AOPEP: variants seen among roughly 807,000 people sequenced by gnomAD.
AOPEP encodes the protein aminopeptidase O (putative), also known as aminopeptidase O.
Under a neutral mutation model 98.1 loss-of-function variants are expected in AOPEP, and 77 were observed. The ratio of observed to expected loss-of-function variants is 0.78; its 90% CI spans 0.65 to 0.95. The LOEUF (loss-of-function observed/expected upper bound fraction) is 0.95. Among genes scored for constraint, AOPEP ranks in the 40% least tolerant of loss-of-function variants. The pLI is 0.00. For missense variants in AOPEP, 1,024 were observed against 1,024.7 expected, an observed-to-expected ratio of 1.00 and a Z score of 0.01; for synonymous variants, 346 against 365.3, an observed-to-expected ratio of 0.95 and a Z score of 0.60.
At chr9:94,810,972 C>T (rs1277289424) in intron 5 of AOPEP, among the ~76,000 whole-genome samples, 1 of 152,210 alleles carries the variant, frequency 6.6e-6, no homozygotes, top group African/African-American at 2.4e-5. Context: ...CTTCCTTCAG[C>T]CCATCAAAGG....
chr9:94,972,642 C>T lies in AOPEP; in HGVS notation c.1916+4841C>T, dbSNP rs145777811. 6.6e-6 allele frequency among the ~76,000 whole-genome samples: 1 copy of T among 152,084 alleles called. No homozygotes were observed. Among genetic ancestry groups the T allele is most frequent in the South Asian group, 2.1e-4 (1 of 4,822 alleles). On this transcript the variant is annotated intron_variant, in intron 10 of 16. Coordinates refer to ENST00000375315, the MANE Select transcript of AOPEP (RefSeq NM_001193329.3). The surrounding 1 kb of genome is among the most constrained non-coding windows in gnomAD (Gnocchi z 4.2). ...CCCAAGCACAAATGAATGTTTTGAT[C>T]AAGAAAATAAATCAGCTGGGCACCG...
intron 2 of AOPEP, among the ~76,000 whole-genome samples, chr9:94,761,077 C>T (rs1016452244): frequency 6.6e-6 from 1 of 152,116 alleles, no homozygotes; most frequent in Non-Finnish European, 1.5e-5. Context: ...GCAGCTATGC[C>T]TCCCTGACTT....
intron 10 of AOPEP, among the ~76,000 whole-genome samples, chr9:94,970,251 C>T (rs188880848): frequency 6.6e-6 from 1 of 152,222 alleles, no homozygotes; most frequent in East Asian, 1.9e-4. Flanking sequence ...GTGGAATTAT[C>T]AGACCAGGGC....
At chr9:95,051,139 A>G (rs1194725164) in intron 13 of AOPEP, among the ~76,000 whole-genome samples, 7 of 140,398 alleles carry the variant, frequency 5.0e-5, no homozygotes, top group African/African-American at 1.8e-4. Flanking sequence ...GCCCAGGCTG[A>G]AGTGCAATGG....
At chr9:94,939,301 A>G (rs1402393505) in intron 7 of AOPEP, among the ~76,000 whole-genome samples, 1 of 151,854 alleles carries the variant, frequency 6.6e-6, no homozygotes, top group African/African-American at 2.4e-5. Context: ...AGCCATCCCC[A>G]TTGTATATAA....
At chr9:94,943,919 C>CAAAAA (rs775807087) in intron 7 of AOPEP, among the ~76,000 whole-genome samples, 5 of 17,414 alleles carry the variant, frequency 2.9e-4, no homozygotes, top group Admixed American at 1.1e-3. Context: ...GACTCCATCT[C>CAAAAA]AAAAAAAAAA....
chr9:94,969,168 T>C (rs1171027791), intron 10 of AOPEP, among the ~76,000 whole-genome samples: 1 of 151,980 alleles, frequency 6.6e-6, no homozygotes, highest in Admixed American at 6.6e-5. Flanking sequence ...ACAGCATAGA[T>C]GGAATTAGGC....
At chr9:94,933,583 C>G in intron 7 of AOPEP, 1 of 985,314 alleles carries the variant, frequency 1.0e-6, no homozygotes, top group Non-Finnish European at 1.2e-6. Context: ...AATGCCTCAT[C>G]CCTTGATCAC....
At chr9:94,742,221 G>A (rs1833296636) in intron 1 of AOPEP, among the ~76,000 whole-genome samples, 1 of 152,098 alleles carries the variant, frequency 6.6e-6, no homozygotes, top group Non-Finnish European at 1.5e-5. Flanking sequence ...TCATTGATTG[G>A]GTCGAGTTAC....
the AOPEP span, chr9:95,100,741 A>T: frequency 4.4e-6 from 1 of 226,584 alleles, no homozygotes; most frequent in East Asian, 6.4e-5. Context: ...AGAGATCCTC[A>T]TGCCTCAGCC....
chr9:94,795,366 G>C (rs1486332330), intron 4 of AOPEP, among the ~76,000 whole-genome samples: 1 of 152,092 alleles, frequency 6.6e-6, no homozygotes, highest in Non-Finnish European at 1.5e-5. Context: ...CAGAAGTTGA[G>C]AGCAATGCCT....
At chr9:94,987,691 A>G (rs1358423762) in intron 11 of AOPEP, among the ~76,000 whole-genome samples, 2 of 152,220 alleles carry the variant, frequency 1.3e-5, no homozygotes, top group Non-Finnish European at 2.9e-5. Flanking sequence ...CTGATAAAAT[A>G]TACTGGGTGA....
At chr9:95,031,719 G>A (rs987837544) in intron 13 of AOPEP, among the ~76,000 whole-genome samples, 3 of 152,134 alleles carry the variant, frequency 2.0e-5, no homozygotes, top group Non-Finnish European at 4.4e-5. Context: ...GGGTAGGGGG[G>A]AATTAAAACA....
intron 7 of AOPEP, among the ~76,000 whole-genome samples, chr9:94,944,364 A>G (rs1488491324): frequency 6.6e-6 from 1 of 152,204 alleles, no homozygotes; most frequent in Non-Finnish European, 1.5e-5. Context: ...GGATAATCAA[A>G]ATGTGTTATA....
chr9:95,099,567 G>T, the AOPEP span: 1 of 231,084 alleles, frequency 4.3e-6, no homozygotes, highest in Non-Finnish European at 8.6e-6. Context: ...CTTGGAGGTG[G>T]AGGGAATGGC....
At chr9:94,957,826 T>C (rs1409991590) in intron 9 of AOPEP, among the ~76,000 whole-genome samples, 1 of 152,242 alleles carries the variant, frequency 6.6e-6, no homozygotes, top group Non-Finnish European at 1.5e-5. Flanking sequence ...GTGTCTAGCT[T>C]TATTAACGTA....
intron 5 of AOPEP, among the ~76,000 whole-genome samples, chr9:94,910,210 C>T (rs1403479064): frequency 1.3e-5 from 2 of 152,216 alleles, no homozygotes; most frequent in African/African-American, 4.8e-5. Context: ...GGTTCTCCTT[C>T]CCAGAGCCCT....
chr9:94,876,919 G>A (rs952200069), intron 5 of AOPEP, among the ~76,000 whole-genome samples: 29 of 152,062 alleles, frequency 1.9e-4, no homozygotes, highest in African/African-American at 6.8e-4. Flanking sequence ...TGAACCCCTG[G>A]GAGGTCTGAC....
intron 9 of AOPEP, among the ~76,000 whole-genome samples, chr9:94,960,310 C>T (rs2058728664): frequency 6.6e-6 from 1 of 151,586 alleles, no homozygotes; most frequent in South Asian, 2.1e-4. Flanking sequence ...ACTCAGGAGG[C>T]TGAGGCAGGA....
Sources: gnomAD v4.1 joint callset for allele counts (sites outside exome capture counted in the v4.1 genomes callset) on GRCh38, gnomAD v4.1.1 for gene constraint, Gnocchi (gnomAD v3.1) non-coding constraint, MANE v1.5 for transcripts, NCBI Gene and HGNC (gene_info 2026-07-23, HGNC 2026-07-21) for gene names.